ABLIM3: variants seen among roughly 807,000 people sequenced by gnomAD.
ABLIM3 encodes actin-binding LIM protein 3.
In ABLIM3, 61 loss-of-function variants were observed where a neutral mutation model predicts 109.5. That is an observed-to-expected ratio of 0.56 (90% CI 0.45 to 0.69). The LOEUF (loss-of-function observed/expected upper bound fraction) is 0.69. Ranked by LOEUF, ABLIM3 falls within the 30% of genes least tolerant of loss-of-function variation. The probability of loss-of-function intolerance (pLI) is 0.00; values close to 1 mark genes in which losing one functional copy is unlikely to be tolerated. For missense variants in ABLIM3, 796 were observed against 889.5 expected (o/e 0.89, Z 1.34); for synonymous variants, 300 against 324.8 (o/e 0.92, Z 0.82).
intron 2 of ABLIM3, among the ~76,000 whole-genome samples, chr5:149,151,278 G>A (rs529717920): frequency 3.1e-4 from 47 of 152,224 alleles, no homozygotes; most frequent in Non-Finnish European, 5.4e-4. Context: ...AGGGACACCC[G>A]TCACATTGGA....
At chr5:149,190,477 T>A (rs1757380709) in intron 3 of ABLIM3, among the ~76,000 whole-genome samples, 1 of 152,034 alleles carries the variant, frequency 6.6e-6, no homozygotes, top group African/African-American at 2.4e-5. Flanking sequence ...CCCAGGAGTT[T>A]GAGAGCAGCC....
intron 10 of ABLIM3, among the ~76,000 whole-genome samples, chr5:149,234,747 A>C (rs570173830): frequency 6.6e-5 from 10 of 152,224 alleles, no homozygotes; most frequent in Non-Finnish European, 1.3e-4. Context: ...CCACAGCAGG[A>C]TTAATGGGCT....
chr5:149,246,782 A>G (rs1416392247), intron 17 of ABLIM3, among the ~76,000 whole-genome samples: 3 of 152,266 alleles, frequency 2.0e-5, no homozygotes, highest in African/African-American at 7.2e-5. Context: ...TTGCCTCTGC[A>G]TTGGCTTCAT....
intron 10 of ABLIM3, 45 bp from the exon 11 acceptor site, chr5:149,237,403 C>T: frequency 6.3e-7 from 1 of 1,595,620 alleles, no homozygotes; most frequent in Middle Eastern, 1.7e-4. Flanking sequence ...TCCCTTTTCC[C>T]TCTTATCTTT....
At chr5:149,147,979 A>G (rs1753082096) in intron 2 of ABLIM3, among the ~76,000 whole-genome samples, 1 of 152,136 alleles carries the variant, frequency 6.6e-6, no homozygotes, top group Non-Finnish European at 1.5e-5. Flanking sequence ...TGTGGATTTT[A>G]TGACACTAGC....
intron 5 of ABLIM3, among the ~76,000 whole-genome samples, chr5:149,204,597 A>C (rs1040540640): frequency 6.6e-6 from 1 of 152,238 alleles, no homozygotes; most frequent in African/African-American, 2.4e-5. Context: ...TGGGTAATGC[A>C]CAGAATGTGG....
chr5:149,237,559 A>G lies in ABLIM3; in HGVS notation c.1000A>G (p.Arg334Gly). The G allele has an allele frequency of 1.2e-6, 2 of 1,614,156 alleles. No homozygotes were observed. The highest frequency in any genetic ancestry group is 3.3e-4 in the Middle Eastern group (2 of 6,062). The change falls in exon 11 of 24, where the codon AGA becomes GGA. Residue 334 changes from arginine (R) to glycine (G), a missense_variant. Physicochemically the swap from Arg to Gly is moderately radical, Grantham distance 125. Transcript: ENST00000309868. Reference protein sequence around the residue: ...PDLISYEPHSRYMSDEMLERC... With the variant: ...PDLISYEPHSGYMSDEMLERC... ...CCTCATTTCCTATGAGCCTCATTCC[A>G]GATACATGTCCGACGAGATGCTGGA...
rs1754015959 is a variant in ABLIM3, at chr5:149,252,353, C to T, written c.1857+145C>T. ...GGGGTCCTTTCAAGACCAACATTTC[C>T]TGTCCCTTCTTGGCCCACTTTTCCT... On this transcript the variant is annotated intron_variant, in intron 22 of 23. Coordinates refer to ENST00000309868, the MANE Select transcript of ABLIM3 (RefSeq NM_014945.5). The T allele has an allele frequency of 4.7e-6, 4 of 854,440 alleles. No individual in the cohort carries two copies. The South Asian group carries it at 6.3e-5, about 13-fold the overall frequency. The allele number at this position is 854,440 out of a possible 1,614,324, so 52.9% of individuals were successfully genotyped here.
chr5:149,187,075 A>G (rs544356366), intron 3 of ABLIM3, among the ~76,000 whole-genome samples: 1 of 152,330 alleles, frequency 6.6e-6, no homozygotes, highest in East Asian at 1.9e-4. Flanking sequence ...AAAATAAAAA[A>G]GAAGCTAATA....
chr5:149,142,020 G>A lies in ABLIM3; in HGVS notation c.-76G>A. On this transcript the variant is annotated 5_prime_UTR_variant, in exon 2 of 24. Coordinates refer to ENST00000309868, the MANE Select transcript of ABLIM3 (RefSeq NM_014945.5). Reference sequence around the variant, plus strand: ...TTTTCACCCCCCAGGTGATGAGTGAGGTTCGAAGAACGGAAGATTTAAAAA... The same window carrying A: ...TTTTCACCCCCCAGGTGATGAGTGAAGTTCGAAGAACGGAAGATTTAAAAA... 6.2e-7 allele frequency: 1 copy of A among 1,610,746 alleles called. No individual in the cohort carries two copies. The highest frequency in any genetic ancestry group is 8.5e-7 in the Non-Finnish European group (1 of 1,176,936).
At chr5:149,186,340 G>A (rs1756955410) in intron 3 of ABLIM3, among the ~76,000 whole-genome samples, 1 of 152,094 alleles carries the variant, frequency 6.6e-6, no homozygotes, top group Non-Finnish European at 1.5e-5. Context: ...CTTGAAGCCG[G>A]GAGGTGGAGG....
intron 19 of ABLIM3, 70 bp downstream of exon 19, chr5:149,249,914 C>T (rs926556131): frequency 5.1e-5 from 80 of 1,554,280 alleles, no homozygotes; most frequent in Non-Finnish European, 6.6e-5. Flanking sequence ...AGCTGCAGTT[C>T]TCCATAGTTC....
chr5:149,223,800 G>T (rs1420981710), intron 8 of ABLIM3, among the ~76,000 whole-genome samples: 1 of 152,160 alleles, frequency 6.6e-6, no homozygotes, highest in Non-Finnish European at 1.5e-5. Context: ...GGACAAGCAG[G>T]TTAGACATCC....
At chr5:149,236,786 A>G (rs1752242464) in intron 10 of ABLIM3, among the ~76,000 whole-genome samples, 1 of 152,140 alleles carries the variant, frequency 6.6e-6, no homozygotes, top group Non-Finnish European at 1.5e-5. Flanking sequence ...TGCAACTTGG[A>G]CAAGTTAATT....
intron 2 of ABLIM3, among the ~76,000 whole-genome samples, chr5:149,164,852 A>G (rs1325038466): frequency 6.6e-6 from 1 of 152,182 alleles, no homozygotes; most frequent in Non-Finnish European, 1.5e-5. Flanking sequence ...TGCCATCTGT[A>G]TGTTTATGTA....
chr5:149,255,785 G>A (rs1001784096), intron 23 of ABLIM3, among the ~76,000 whole-genome samples: 2 of 152,174 alleles, frequency 1.3e-5, no homozygotes, highest in African/African-American at 2.4e-5. Context: ...GAAGTCCAAG[G>A]AAACTGGAAG....
chr5:149,204,675 T>C (rs1313419954), intron 5 of ABLIM3, among the ~76,000 whole-genome samples: 1 of 152,174 alleles, frequency 6.6e-6, no homozygotes, highest in Non-Finnish European at 1.5e-5. Context: ...GGGCCAAGCA[T>C]TGTGCTAAGG....
At chr5:149,189,849 A>G (rs1486959394) in intron 3 of ABLIM3, among the ~76,000 whole-genome samples, 1 of 152,216 alleles carries the variant, frequency 6.6e-6, no homozygotes, top group African/African-American at 2.4e-5. Context: ...GCAATTCCAA[A>G]TTCCACTCCT....
chr5:149,259,347 C>T lies in ABLIM3; in HGVS notation c.*943C>T. On this transcript the variant is annotated 3_prime_UTR_variant, in exon 24 of 24. Transcript: ENST00000309868. ...AATCTATGTGCCTGACAACTCAACA[C>T]ACCGCAGGGCTAATGTTCCCACCAG... The T allele has an allele frequency of 1.4e-6, 2 of 1,437,492 alleles. No homozygotes were observed. Among genetic ancestry groups the T allele is most frequent in the Non-Finnish European group, 1.8e-6 (2 of 1,099,466 alleles). 89.0% of individuals were successfully genotyped at this position (1,437,492 alleles called of 1,614,324 possible). A position where few individuals can be genotyped will look rare whatever the true frequency, so the allele number is the denominator to read the frequency against.
Sources: gnomAD v4.1 joint callset for allele counts (sites outside exome capture counted in the v4.1 genomes callset) on GRCh38, gnomAD v4.1.1 for gene constraint, MANE v1.5 for transcripts, NCBI Gene and HGNC (gene_info 2026-07-23, HGNC 2026-07-21) for gene names.